The following PRKG1 variants were observed in gnomAD, a reference collection of about 807,000 sequenced individuals.
PRKG1 encodes protein kinase cGMP-dependent 1.
PRKG1 carries 35 observed loss-of-function variants against 88.1 expected under a neutral mutation model. The observed-to-expected ratio is 0.40, with a 90% CI of 0.30 to 0.53. The LOEUF (loss-of-function observed/expected upper bound fraction) is 0.53, where lower values mean the gene tolerates loss of function less well. Among genes scored for constraint, PRKG1 ranks in the 20% least tolerant of loss-of-function variants. The probability of loss-of-function intolerance (pLI) is 0.59; values close to 1 mark genes in which losing one functional copy is unlikely to be tolerated. For missense variants in PRKG1, 540 were observed against 839.8 expected (o/e 0.64, Z 4.41); for synonymous variants, 303 against 292.5 (o/e 1.04, Z -0.37).
intron 1 of PRKG1, among the ~76,000 whole-genome samples, chr10:51,005,228 C>T (rs1842929334): frequency 6.6e-6 from 1 of 151,826 alleles, no homozygotes; most frequent in South Asian, 2.1e-4. Context: ...GAAATTTCAG[C>T]CTACTCTTGT....
intron 3 of PRKG1, among the ~76,000 whole-genome samples, chr10:51,486,926 G>A (rs1379450510): frequency 6.6e-6 from 1 of 152,028 alleles, no homozygotes; most frequent in African/African-American, 2.4e-5. Context: ...GAGGTGATCT[G>A]TTGTCAAATT....
At chr10:51,259,309 A>G (rs1468305620) in intron 2 of PRKG1, among the ~76,000 whole-genome samples, 7 of 152,152 alleles carry the variant, frequency 4.6e-5, no homozygotes, top group Non-Finnish European at 1.0e-4. Flanking sequence ...TATCTCAAGG[A>G]TGTATTTTTT....
chr10:51,132,372 A>T lies in PRKG1; in HGVS notation c.312-20792A>T, dbSNP rs1364134379. On this transcript the variant is annotated intron_variant, in intron 1 of 17. Transcript: ENST00000373980. ...TACACCTCATCTCTTTCAATTAAAA[A>T]TATTAAGACAAATTATAATAAGATA... Among the ~76,000 whole-genome samples, 6 of 152,210 alleles carry T rather than the reference A, an allele frequency of 3.9e-5. 1 individual carries two copies. Among genetic ancestry groups the T allele is most frequent in the Admixed American group, 3.9e-4 (6 of 15,268 alleles).
In PRKG1 at chr10:51,902,556, G is replaced by A. The variant is rs868278908; in HGVS notation, c.699-4951G>A. On this transcript the variant is annotated intron_variant, in intron 4 of 17. Coordinates refer to ENST00000373980, the MANE Select transcript of PRKG1 (RefSeq NM_006258.4). ...ATAAGGTATCCAAATGTATTTACTT[G>A]TTGTTTTTCTACTCAGGCACACAGA... Among the ~76,000 whole-genome samples, 6 of 152,224 alleles carry A rather than the reference G, an allele frequency of 3.9e-5. No individual in the cohort carries two copies. The South Asian group carries it at 1.2e-3, about 32-fold the overall frequency.
At chr10:51,735,761 T>C (rs1837248071) in intron 3 of PRKG1, among the ~76,000 whole-genome samples, 1 of 151,260 alleles carries the variant, frequency 6.6e-6, no homozygotes, top group Non-Finnish European at 1.5e-5. Flanking sequence ...CAAGGGAAAG[T>C]CTATATGTGT....
At chr10:51,253,638 T>C (rs1839481152) in intron 2 of PRKG1, among the ~76,000 whole-genome samples, 1 of 151,892 alleles carries the variant, frequency 6.6e-6, no homozygotes, top group Non-Finnish European at 1.5e-5. Flanking sequence ...GGGGAAGAAT[T>C]TTGACTTTCC....
Position 52,204,911 on chromosome 10 carries a change from C to T in PRKG1, c.1076+42948C>T, listed in dbSNP as rs185850414. Reference sequence around the variant, plus strand: ...GACAGAGCCATATTTCTCTTATTACCGAAAACGGGTAAGAGAAATATCACT... The same window carrying T: ...GACAGAGCCATATTTCTCTTATTACTGAAAACGGGTAAGAGAAATATCACT... On this transcript the variant is annotated intron_variant, in intron 9 of 17. Transcript: ENST00000373980. Among the ~76,000 whole-genome samples, 137 of 152,110 alleles carry T rather than the reference C, an allele frequency of 9.0e-4. 2 individuals are homozygous for T. Among genetic ancestry groups the T allele is most frequent in the African/African-American group, 3.1e-3 (129 of 41,488 alleles).
At chr10:52,180,546 T>G (rs557173650) in intron 9 of PRKG1, among the ~76,000 whole-genome samples, 3 of 152,198 alleles carry the variant, frequency 2.0e-5, no homozygotes, top group African/African-American at 7.2e-5. Flanking sequence ...ATTTTACTGA[T>G]GTATGTGGGT....
chr10:52,105,886 G>A (rs997274452), intron 7 of PRKG1, among the ~76,000 whole-genome samples: 1 of 151,558 alleles, frequency 6.6e-6, no homozygotes, highest in Non-Finnish European at 1.5e-5. Context: ...ACGTTCTTTA[G>A]TGGTGATTTC....
chr10:51,074,960 C>A, intron 1 of PRKG1, 59 bp downstream of exon 1: 1 of 1,508,618 alleles, frequency 6.6e-7, no homozygotes, highest in Non-Finnish European at 8.9e-7. Flanking sequence ...AGCTGCGGGT[C>A]TCTGTATTGT....
At chr10:51,477,468 T>C (rs1293134139) in intron 3 of PRKG1, among the ~76,000 whole-genome samples, 1 of 151,802 alleles carries the variant, frequency 6.6e-6, no homozygotes, top group Admixed American at 6.6e-5. Context: ...AGAAGCATAT[T>C]GCTTGGGTTC....
At chr10:51,429,994 A>G (rs553089251) in intron 2 of PRKG1, among the ~76,000 whole-genome samples, 27 of 151,748 alleles carry the variant, frequency 1.8e-4, no homozygotes, top group African/African-American at 6.0e-4. Flanking sequence ...TAGATAAAAG[A>G]ATTTTAATCT....
intron 1 of PRKG1, among the ~76,000 whole-genome samples, chr10:51,090,125 C>T (rs1194373783): frequency 1.3e-5 from 2 of 152,056 alleles, no homozygotes; most frequent in African/African-American, 4.8e-5. Context: ...ATAACATTTC[C>T]CTGATTGGAG....
At chr10:51,207,489 T>G (rs977873896) in intron 2 of PRKG1, among the ~76,000 whole-genome samples, 3 of 152,142 alleles carry the variant, frequency 2.0e-5, no homozygotes, top group Non-Finnish European at 4.4e-5. Context: ...ACCTCGCTGG[T>G]GCCTGCCTTA....
At chr10:51,396,684 G>A (rs1564475952) in intron 2 of PRKG1, among the ~76,000 whole-genome samples, 1 of 152,332 alleles carries the variant, frequency 6.6e-6, no homozygotes, top group East Asian at 1.9e-4. Flanking sequence ...TGAAAAACGG[G>A]AAAGTAACAT....
chr10:51,067,211 T>C (rs1843761568), intron 1 of PRKG1, among the ~76,000 whole-genome samples: 1 of 151,652 alleles, frequency 6.6e-6, no homozygotes, highest in African/African-American at 2.4e-5. Flanking sequence ...TGTTAAGCCA[T>C]GGCATATGTT....
In PRKG1 at chr10:52,117,736, A is replaced by G. The variant is rs183595707; in HGVS notation, c.936-16104A>G. Among the ~76,000 whole-genome samples the G allele has an allele frequency of 2.6e-3, 400 of 152,194 alleles. 4 individuals carry two copies. Among genetic ancestry groups the G allele is most frequent in the African/African-American group, 9.3e-3 (386 of 41,532 alleles). On this transcript the variant is annotated intron_variant, in intron 7 of 17. Coordinates refer to ENST00000373980, the MANE Select transcript of PRKG1 (RefSeq NM_006258.4). Reference sequence around the variant, plus strand: ...TCCCTTCTTCCTCTGTCTTTTAATCACACATTCACTTCCTTGAATGTAATT... The same window carrying G: ...TCCCTTCTTCCTCTGTCTTTTAATCGCACATTCACTTCCTTGAATGTAATT...
At chr10:51,329,733 G>T (rs906464861) in intron 2 of PRKG1, among the ~76,000 whole-genome samples, 6 of 151,806 alleles carry the variant, frequency 4.0e-5, no homozygotes, top group Admixed American at 2.0e-4. Context: ...TTGTTTTTTT[G>T]TTTGTTTGTT....
In PRKG1 at chr10:51,198,165, A is replaced by G. The variant is rs57047183; in HGVS notation, c.478+44835A>G. Among the ~76,000 whole-genome samples, 692 of 152,238 alleles carry G rather than the reference A, an allele frequency of 4.5e-3. 14 individuals carry two copies. The highest frequency in any genetic ancestry group is 0.016 in the African/African-American group (664 of 41,550). On this transcript the variant is annotated intron_variant, in intron 2 of 17. Coordinates refer to ENST00000373980, the MANE Select transcript of PRKG1 (RefSeq NM_006258.4). ...GGGCAGGATAGTTGGGGTACTGGTG[A>G]TGGTGGTATTAGATCTTATTTATAT...
Sources: allele counts gnomAD v4.1 joint callset (sites outside exome capture counted in the v4.1 genomes callset), GRCh38; gene constraint gnomAD v4.1.1; transcripts MANE v1.5; gene names NCBI Gene and HGNC (gene_info 2026-07-23, HGNC 2026-07-21).